F13A1: variants seen among roughly 807,000 people sequenced by gnomAD.
F13A1 encodes the protein coagulation factor XIII A chain.
Under a neutral mutation model 80.1 loss-of-function variants are expected in F13A1, and 47 were observed. That is an observed-to-expected ratio of 0.59 (90% CI 0.46 to 0.75). The LOEUF (loss-of-function observed/expected upper bound fraction) is 0.75. F13A1 is among the 30% of genes least tolerant of loss of function. The pLI, the probability that F13A1 is intolerant of heterozygous loss-of-function variation, is 0.00. For missense variants in F13A1, 817 were observed against 930.4 expected, an observed-to-expected ratio of 0.88 and a Z score of 1.59; for synonymous variants, 349 against 344.9, an observed-to-expected ratio of 1.01 and a Z score of -0.13.
chr6:6,210,806 G>A (rs571187321), intron 8 of F13A1, among the ~76,000 whole-genome samples: 2 of 152,250 alleles, frequency 1.3e-5, no homozygotes, highest in East Asian at 3.9e-4. Flanking sequence ...TTGGCTTACT[G>A]CAACCTCTGT....
chr6:6,225,689 G>A (rs1346628317), intron 6 of F13A1, among the ~76,000 whole-genome samples: 1 of 151,914 alleles, frequency 6.6e-6, no homozygotes, highest in Non-Finnish European at 1.5e-5. Context: ...TTTTTGTAGA[G>A]CCAGGGTCTC....
intron 14 of F13A1, among the ~76,000 whole-genome samples, chr6:6,147,158 G>C (rs978049730): frequency 6.6e-6 from 1 of 152,184 alleles, no homozygotes; most frequent in Non-Finnish European, 1.5e-5. Context: ...TGGGGACTCA[G>C]GGGAAAGGTG....
chr6:6,252,549 A>C (rs1375164698), intron 4 of F13A1, among the ~76,000 whole-genome samples: 2 of 152,234 alleles, frequency 1.3e-5, no homozygotes, highest in African/African-American at 4.8e-5. Flanking sequence ...TAGATAAAGC[A>C]AATGTGGCAA....
intron 2 of F13A1, among the ~76,000 whole-genome samples, chr6:6,307,577 C>T (rs891262061): frequency 1.3e-5 from 2 of 152,086 alleles, no homozygotes; most frequent in African/African-American, 4.8e-5. Context: ...TAGCTAAACA[C>T]CAAAGTCCTT....
intron 8 of F13A1, among the ~76,000 whole-genome samples, chr6:6,220,057 A>C (rs1757169309): frequency 6.6e-6 from 1 of 152,226 alleles, no homozygotes; most frequent in South Asian, 2.1e-4. Context: ...GGGCAGTAGC[A>C]GAGCCAAGTC....
At chr6:6,310,454 A>C (rs1295192133) in intron 2 of F13A1, among the ~76,000 whole-genome samples, 1 of 152,184 alleles carries the variant, frequency 6.6e-6, no homozygotes, top group East Asian at 1.9e-4. Flanking sequence ...ATGGGAATGA[A>C]GTACCTATCT....
chr6:6,232,253 A>G (rs893776042), intron 6 of F13A1, among the ~76,000 whole-genome samples: 1 of 152,226 alleles, frequency 6.6e-6, no homozygotes, highest in African/African-American at 2.4e-5. Flanking sequence ...AAAGGTGTGG[A>G]AAAAGGTATT....
rs1244093247 is a variant in F13A1, at chr6:6,305,446, A to C, written c.224T>G (p.Leu75Arg). 6.2e-7 allele frequency: 1 copy of C among 1,614,122 alleles called. No homozygotes were observed. The highest frequency in any genetic ancestry group is 1.7e-5 in the Admixed American group (1 of 60,006). ...GAAAGACTGCCCTCTGCGGACAATCAGCTTGTTGTTTTCATACTTGTCAGT... is the reference window on the plus strand; with the variant it reads ...GAAAGACTGCCCTCTGCGGACAATCCGCTTGTTGTTTTCATACTTGTCAGT... ...HHTDKYENNKLIVRRGQSFYV... is the reference protein window; with the variant it reads ...HHTDKYENNKRIVRRGQSFYV... The change falls in exon 3 of 15, where the codon CTG becomes CGG. Residue 75 changes from leucine (L) to arginine (R), a missense_variant. Coordinates refer to ENST00000264870, the MANE Select transcript of F13A1 (RefSeq NM_000129.4).
chr6:6,312,436 CT>C (rs67561337), intron 2 of F13A1, among the ~76,000 whole-genome samples: 76,984 of 109,932 alleles, frequency 0.7, 28,302 homozygotes, highest in East Asian at 0.85. Flanking sequence ...CTTTGGAAGG[CT>C]GAGGGGGGCG....
At chr6:6,161,632 A>G (rs13194870) in intron 13 of F13A1, among the ~76,000 whole-genome samples, 13,438 of 151,450 alleles carry the variant, frequency 0.089, 867 homozygotes, top group African/African-American at 0.18. Flanking sequence ...TTGTAATGAA[A>G]TTTTCTTTTC....
chr6:6,242,344 A>G lies in F13A1; in HGVS notation c.798+5968T>C, dbSNP rs1015909206. 5.9e-5 allele frequency among the ~76,000 whole-genome samples: 9 copies of G among 152,168 alleles called. 1 individual carries two copies. Among genetic ancestry groups the G allele is most frequent in the Non-Finnish European group, 1.3e-4 (9 of 68,038 alleles). On this transcript the variant is annotated intron_variant, in intron 6 of 14. Transcript: ENST00000264870. Reference sequence around the variant, plus strand: ...GATTGGTTAAAAAAGTTTAGTCATGAGTTAGTTCCCAAAAGGCATAGTCAG... The same window carrying G: ...GATTGGTTAAAAAAGTTTAGTCATGGGTTAGTTCCCAAAAGGCATAGTCAG...
rs576410671 is a variant in F13A1 at position 6,180,976 on chromosome 6, C to T, written c.1459+1012G>A. On this transcript the variant is annotated intron_variant, in intron 11 of 14. Transcript: ENST00000264870. ...TAAAAATAAATACTCCTAAGAACCT[C>T]TGGCAGTGAATCATTTGCAAAATAT... Among the ~76,000 whole-genome samples the T allele has an allele frequency of 2.0e-5, 3 of 152,352 alleles. No individual in the cohort carries two copies. The East Asian group carries it at 5.8e-4, about 29-fold the overall frequency.
chr6:6,283,203 A>C (rs1364403875), intron 3 of F13A1, among the ~76,000 whole-genome samples: 1 of 152,216 alleles, frequency 6.6e-6, no homozygotes, highest in Non-Finnish European at 1.5e-5. Flanking sequence ...CATTCTAAAA[A>C]TTACTGCCTT....
intron 12 of F13A1, among the ~76,000 whole-genome samples, chr6:6,168,160 A>G (rs1426313432): frequency 6.6e-6 from 1 of 152,226 alleles, no homozygotes; most frequent in Non-Finnish European, 1.5e-5. Context: ...TAAGAGAAGG[A>G]AGCTGTTGAA....
chr6:6,248,997 A>C (rs1275723107), intron 5 of F13A1, among the ~76,000 whole-genome samples: 2 of 152,218 alleles, frequency 1.3e-5, no homozygotes, highest in Non-Finnish European at 2.9e-5. Flanking sequence ...AGGCTGCAGA[A>C]AGTAGATTAC....
At chr6:6,203,072 T>G (rs1761426067) in intron 8 of F13A1, among the ~76,000 whole-genome samples, 2 of 152,234 alleles carry the variant, frequency 1.3e-5, no homozygotes, top group African/African-American at 4.8e-5. Flanking sequence ...AGTGGAAGCA[T>G]GGAAGCAGCC....
intron 2 of F13A1, among the ~76,000 whole-genome samples, chr6:6,316,085 A>G (rs1195690030): frequency 0.016 from 85 of 5,372 alleles, 5 homozygotes; most frequent in South Asian, 0.041. Flanking sequence ...GTGCATATAT[A>G]TATATATATA....
intron 3 of F13A1, among the ~76,000 whole-genome samples, chr6:6,293,725 A>AGAAGGGAG (rs568302271): frequency 1.4e-5 from 2 of 145,310 alleles, no homozygotes; most frequent in African/African-American, 5.0e-5. Flanking sequence ...GAAGAAGGAA[A>AGAAGGGAG]GAAGGGAGGA....
At chr6:6,147,154 C>T (rs966817018) in intron 14 of F13A1, among the ~76,000 whole-genome samples, 1 of 152,110 alleles carries the variant, frequency 6.6e-6, no homozygotes, top group African/African-American at 2.4e-5. Context: ...TCTTTGGGGA[C>T]TCAGGGGAAA....
Sources: allele counts gnomAD v4.1 joint callset (sites outside exome capture counted in the v4.1 genomes callset), GRCh38; gene constraint gnomAD v4.1.1; transcripts MANE v1.5; gene names NCBI Gene and HGNC (gene_info 2026-07-23, HGNC 2026-07-21).